Variants in RPS7 observed in about 807,000 individuals in gnomAD.
RPS7 encodes small ribosomal subunit protein eS7.
A neutral mutation model predicts 22.1 loss-of-function variants in RPS7; 1 was observed. The ratio of observed to expected loss-of-function variants is 0.05; its 90% CI spans 0.02 to 0.21. The LOEUF (loss-of-function observed/expected upper bound fraction) is 0.21, where lower values mean the gene tolerates loss of function less well. Ranked by LOEUF, RPS7 falls within the 10% of genes least tolerant of loss-of-function variation. The pLI is 1.00. For synonymous variants in RPS7, 80 were observed against 92.0 expected (o/e 0.87, Z 0.74); for missense variants, 137 against 246.4 (o/e 0.56, Z 2.97).
intron 4 of RPS7, chr2:3,576,836 C>A: frequency 1.5e-6 from 1 of 679,280 alleles, no homozygotes; most frequent in East Asian, 2.7e-5. Flanking sequence ...CTGTAGAGAC[C>A]AGCCTGGGCA....
At position 3,575,337 on chromosome 2, in the gene RPS7, C is replaced by G. The variant is rs1661250088; in HGVS notation, c.-32C>G. On this transcript the variant is annotated 5_prime_UTR_variant, in exon 1 of 7. Transcript: ENST00000645674. ...GCGAGATTTGGGTCTCTTCCTAAGC[C>G]GGCGCTCGGCAAGGTAGGTTGGCGG... is the stretch of plus-strand genomic sequence containing the variant. The G allele has an allele frequency of 1.9e-6, 1 of 526,164 alleles. No individual in the cohort carries two copies. 32.6% of individuals were successfully genotyped at this position (526,164 alleles called of 1,614,324 possible). A position where few individuals can be genotyped will look rare whatever the true frequency, so the allele number is the denominator to read the frequency against.
At chr2:3,579,744 T>G in intron 5 of RPS7, 1 of 341,662 alleles carries the variant, frequency 2.9e-6, no homozygotes, top group Non-Finnish European at 5.6e-6. Context: ...GCAAGAGTGT[T>G]AAAGGTTATT....
chr2:3,577,815 T>C (rs1661318814), intron 5 of RPS7, 41 bp downstream of exon 5: 1 of 1,239,066 alleles, frequency 8.1e-7, no homozygotes, highest in Admixed American at 1.7e-5. Flanking sequence ...GTACCCCTCT[T>C]ATTAACAACT....
At chr2:3,579,728 A>G in intron 5 of RPS7, 1 of 293,296 alleles carries the variant, frequency 3.4e-6, no homozygotes, top group Non-Finnish European at 6.6e-6. Flanking sequence ...GTGGTTTTGG[A>G]GATGAGCAAG....
chr2:3,577,788 T>C lies in RPS7; in HGVS notation c.356+14T>C. 1 of 1,579,956 alleles carries C rather than the reference T, an allele frequency of 6.3e-7. No homozygotes were observed. The highest frequency in any genetic ancestry group is 8.7e-7 in the Non-Finnish European group (1 of 1,149,216). ...GCGTCCCAGGAGGTGAGTATTTTAG[T>C]AGTTTCAGAAATGTGTGTACCCCTC... On this transcript the variant is annotated intron_variant, in intron 5 of 6. Coordinates refer to ENST00000645674, the MANE Select transcript of RPS7 (RefSeq NM_001011.4).
intron 4 of RPS7, chr2:3,577,180 C>G (rs1400520229): frequency 5.6e-6 from 1 of 178,154 alleles, no homozygotes; most frequent in Non-Finnish European, 1.2e-5. Flanking sequence ...CTAAAAAATA[C>G]AAAAAATTAG....
chr2:3,578,725 A>T (rs1661339119), intron 5 of RPS7: 1 of 152,192 alleles, frequency 6.6e-6, no homozygotes, highest in East Asian at 1.9e-4. Context: ...CTAAATCATG[A>T]CACTTAAAGA....
chr2:3,580,687 T>C, intron 6 of RPS7, 118 bp from the exon 7 acceptor site: 3 of 722,580 alleles, frequency 4.2e-6, no homozygotes, highest in East Asian at 2.6e-5. Flanking sequence ...GCAGACATGT[T>C]GTGTGTACTT....
chr2:3,578,145 TAAA>T (rs760988522), intron 5 of RPS7: 37 of 184,616 alleles, frequency 2.0e-4, no homozygotes, highest in Admixed American at 1.5e-3. Context: ...GGATTGGAGG[TAAA>T]AAAATGTAGG....
At position 3,576,571 on chromosome 2, in the gene RPS7, C is replaced by T. The variant is rs1661284886; in HGVS notation, c.232C>T (p.Arg78Trp). 5 of 1,613,690 alleles carry T rather than the reference C, an allele frequency of 3.1e-6. No homozygotes were observed. The highest frequency in any genetic ancestry group is 3.3e-4 in the Middle Eastern group (2 of 6,060). The change falls in exon 4 of 7, where the codon CGG becomes TGG. Residue 78 changes from arginine (R) to tryptophan (W), a missense_variant. Arg to Trp is a moderately radical substitution (Grantham distance 101). This residue lies in a region of RPS7 where 74 missense variants were observed against 171.4 expected (regional missense o/e 0.43). Coordinates refer to ENST00000645674, the MANE Select transcript of RPS7 (RefSeq NM_001011.4). ...QLKSFQKIQV[R>W]LVRELEKKFS... ...GAAATCTTTCCAGAAAATCCAAGTC[C>T]GGCTAGTACGCGAATTGGAGAAAAA...
rs1661316177 is a variant in RPS7 at position 3,577,733 on chromosome 2, T to G, written c.315T>G (p.Thr105=). 3 of 1,613,000 alleles carry G rather than the reference T, an allele frequency of 1.9e-6. No individual in the cohort carries two copies. Among genetic ancestry groups the G allele is most frequent in the Non-Finnish European group, 2.5e-6 (3 of 1,179,300 alleles). The change falls in exon 5 of 7, where the codon ACT becomes ACG. Residue 105 remains threonine (T), a synonymous_variant. Coordinates refer to ENST00000645674, the MANE Select transcript of RPS7 (RefSeq NM_001011.4). ...AGAGGAGAATTCTGCCTAAGCCAAC[T>G]CGAAAAAGCCGTACAAAAAATAAGC... ...IAQRRILPKP[T]RKSRTKNKQK...
At position 3,575,335 on chromosome 2, in the gene RPS7, G is replaced by A. The variant is rs1661250043; in HGVS notation, c.-34G>A. 9.6e-6 allele frequency: 5 copies of A among 523,192 alleles called. No individual in the cohort carries two copies. The highest frequency in any genetic ancestry group is 2.0e-5 in the African/African-American group (1 of 49,406). 32.4% of individuals were successfully genotyped at this position (523,192 alleles called of 1,614,324 possible). On this transcript the variant is annotated 5_prime_UTR_variant, in exon 1 of 7. Transcript: ENST00000645674. ...TCGCGAGATTTGGGTCTCTTCCTAA[G>A]CCGGCGCTCGGCAAGGTAGGTTGGC...
intron 3 of RPS7, chr2:3,576,269 T>G (rs1661277216): frequency 3.2e-6 from 2 of 627,400 alleles, no homozygotes; most frequent in Non-Finnish European, 5.7e-6. Context: ...GTGATTGGCC[T>G]CCTGGCCTGA....
chr2:3,575,748 G>A (rs1226570504), intron 2 of RPS7, 64 bp downstream of exon 2: 9 of 1,594,722 alleles, frequency 5.6e-6, no homozygotes, highest in Non-Finnish European at 7.7e-6. Context: ...GGAGGCGGCC[G>A]CGCGTGTGTT....
chr2:3,575,672 C>T lies in RPS7; in HGVS notation c.63C>T (p.Ser21=), dbSNP rs145376788. 54 of 1,608,744 alleles carry T rather than the reference C, an allele frequency of 3.4e-5. No individual in the cohort carries two copies. Among genetic ancestry groups the T allele is most frequent in the Middle Eastern group, 4.3e-4 (2 of 4,670 alleles). Residue 21 remains serine, a synonymous_variant, in exon 2 of 7, where the codon TCC becomes TCT. Transcript: ENST00000645674. ...PNGEKPDEFE[S]GISQALLELE... The stretch of plus-strand genomic sequence containing the variant: ...GCGAGAAGCCGGACGAGTTCGAGTC[C>T]GGCATCTCCCAGGTGAGAGGGTTTC...
chr2:3,577,362 C>T (rs770427643), intron 4 of RPS7: 3 of 245,714 alleles, frequency 1.2e-5, no homozygotes, highest in East Asian at 9.9e-5. Context: ...TGTTACAGTT[C>T]GGATGGGGGA....
intron 1 of RPS7, 41 bp from the exon 2 acceptor site, chr2:3,575,551 C>G: frequency 6.8e-7 from 1 of 1,476,036 alleles, no homozygotes; most frequent in Non-Finnish European, 9.5e-7. Flanking sequence ...CCAGCGGCGC[C>G]TGCAGCCCGG....
At chr2:3,580,635 A>G (rs1474031913) in intron 6 of RPS7, 170 bp from the exon 7 acceptor site, 3 of 658,636 alleles carry the variant, frequency 4.6e-6, no homozygotes, top group Non-Finnish European at 8.2e-6. Flanking sequence ...GTTCTGTCCC[A>G]CAGCATTGGA....
At position 3,575,799 on chromosome 2, in the gene RPS7, C is replaced by T. The variant is rs759821076; in HGVS notation, c.76-18C>T. On this transcript the variant is annotated intron_variant, in intron 2 of 6. Coordinates refer to ENST00000645674, the MANE Select transcript of RPS7 (RefSeq NM_001011.4). The stretch of plus-strand genomic sequence containing the variant: ...GGACGCGCGCTCAGGGTCGGTCCTG[C>T]TGTTCGTTGCTTCTTAGGCTCTTCT... 7 of 1,610,600 alleles carry T rather than the reference C, an allele frequency of 4.3e-6. No homozygotes were observed. The South Asian group carries it at 6.6e-5, about 15-fold the overall frequency.
Sources: gnomAD v4.1 joint callset for allele counts on GRCh38, gnomAD v4.1.1 for gene constraint, gnomAD v4.1.1 regional missense constraint, MANE v1.5 for transcripts, NCBI Gene and HGNC (gene_info 2026-07-23, HGNC 2026-07-21) for gene names.